Variants in MTHFD2L observed in about 807,000 individuals in gnomAD.
MTHFD2L encodes bifunctional methylenetetrahydrofolate dehydrogenase/cyclohydrolase 2, mitochondrial.
Under a neutral mutation model 34.9 loss-of-function variants are expected in MTHFD2L, and 29 were observed. That is an observed-to-expected ratio of 0.83 (90% CI 0.62 to 1.13). The LOEUF (loss-of-function observed/expected upper bound fraction) is 1.13. MTHFD2L is among the 50% of genes most tolerant of loss of function. The pLI is 0.00. For synonymous variants in MTHFD2L, 167 were observed against 155.7 expected (o/e 1.07, Z -0.54); for missense variants, 481 against 446.5 (o/e 1.08, Z -0.70).
intron 3 of MTHFD2L, among the ~76,000 whole-genome samples, chr4:74,191,179 C>A (rs1732410700): frequency 6.6e-6 from 1 of 152,126 alleles, no homozygotes; most frequent in Admixed American, 6.5e-5. Flanking sequence ...GGGATTACAG[C>A]TTCCTGAAGT....
upstream of MTHFD2L, among the ~76,000 whole-genome samples, chr4:74,123,003 G>A (rs1254229418): frequency 6.6e-6 from 1 of 152,118 alleles, no homozygotes; most frequent in Non-Finnish European, 1.5e-5. Context: ...TTCAAAGTAT[G>A]AATGCTATAA....
At chr4:74,156,185 A>G (rs988537190), upstream of MTHFD2L, among the ~76,000 whole-genome samples, 4 of 152,152 alleles carry the variant, frequency 2.6e-5, no homozygotes, top group African/African-American at 9.7e-5. Flanking sequence ...ACAGTATCAT[A>G]CAAAATAGTT....
At chr4:74,179,427 A>G (rs1291140692) in intron 3 of MTHFD2L, among the ~76,000 whole-genome samples, 2 of 152,220 alleles carry the variant, frequency 1.3e-5, no homozygotes, top group Non-Finnish European at 2.9e-5. Context: ...AGGTTTAAAA[A>G]TGATAGCAAT....
intron 3 of MTHFD2L, chr4:74,190,354 A>G: frequency 1.3e-5 from 5 of 384,738 alleles, no homozygotes; most frequent in Non-Finnish European, 1.8e-5. Flanking sequence ...AAGGTTAGCA[A>G]CCTTTGCGTG....
chr4:74,267,899 G>C, intron 6 of MTHFD2L: 1 of 985,294 alleles, frequency 1.0e-6, no homozygotes. Context: ...ATATGGCACA[G>C]AGCAGAGCCC....
upstream of MTHFD2L, among the ~76,000 whole-genome samples, chr4:74,122,671 A>G (rs141004936): frequency 1.6e-4 from 24 of 152,364 alleles, no homozygotes; most frequent in East Asian, 4.0e-3. Context: ...TTGTTCCAGA[A>G]TAAACAAGAC....
intron 3 of MTHFD2L, among the ~76,000 whole-genome samples, chr4:74,186,514 A>G (rs1446965890): frequency 6.6e-6 from 1 of 151,578 alleles, no homozygotes; most frequent in Non-Finnish European, 1.5e-5. Context: ...CAAGCTTAAT[A>G]TAGAGGAATC....
intron 1 of MTHFD2L, chr4:74,161,382 ATCT>A (rs1725427162): frequency 6.6e-6 from 1 of 152,180 alleles, no homozygotes; most frequent in Admixed American, 6.5e-5. Flanking sequence ...TCTCAAAATC[ATCT>A]TCTATTTAGT....
At chr4:74,266,058 A>G (rs1013606179) in intron 6 of MTHFD2L, among the ~76,000 whole-genome samples, 13 of 152,218 alleles carry the variant, frequency 8.5e-5, no homozygotes, top group Admixed American at 2.0e-4. Context: ...TTGATAACCA[A>G]TGATTCAGAC....
At chr4:74,140,815 T>G (rs1175556408) in intron 1 of MTHFD2L, among the ~76,000 whole-genome samples, 1 of 152,170 alleles carries the variant, frequency 6.6e-6, no homozygotes, top group African/African-American at 2.4e-5. Context: ...CCATTAGCTC[T>G]CATGAAGCTA....
intron 1 of MTHFD2L, among the ~76,000 whole-genome samples, chr4:74,151,520 A>G (rs1723941065): frequency 6.6e-6 from 1 of 152,142 alleles, no homozygotes; most frequent in South Asian, 2.1e-4. Context: ...CACTTTCATC[A>G]CTTGATAGCT....
At chr4:74,235,356 A>T (rs2110152171) in intron 6 of MTHFD2L, among the ~76,000 whole-genome samples, 1 of 152,318 alleles carries the variant, frequency 6.6e-6, no homozygotes, top group Non-Finnish European at 1.5e-5. Flanking sequence ...GAGACTAAGT[A>T]TATGGTGTTG....
At chr4:74,218,992 TA>T (rs1737687481) in intron 5 of MTHFD2L, among the ~76,000 whole-genome samples, 1 of 152,126 alleles carries the variant, frequency 6.6e-6, no homozygotes, top group South Asian at 2.1e-4. Context: ...AAAAATAATA[TA>T]AAAATAGTAT....
At chr4:74,135,797 A>G (rs949501610) in intron 1 of MTHFD2L, among the ~76,000 whole-genome samples, 3 of 152,076 alleles carry the variant, frequency 2.0e-5, no homozygotes, top group Non-Finnish European at 2.9e-5. Context: ...AATTCATTCC[A>G]GAGATACAGG....
At chr4:74,245,056 G>T (rs956355973) in intron 6 of MTHFD2L, among the ~76,000 whole-genome samples, 1 of 151,776 alleles carries the variant, frequency 6.6e-6, no homozygotes, top group African/African-American at 2.4e-5. Context: ...TTAGCGAGGC[G>T]TCGTGGCAGG....
At chr4:74,155,942 A>AT (rs1724218122), upstream of MTHFD2L, among the ~76,000 whole-genome samples, 1 of 151,710 alleles carries the variant, frequency 6.6e-6, no homozygotes, top group Non-Finnish European at 1.5e-5. Flanking sequence ...ACACATCTAG[A>AT]TAAAATGTGT....
upstream of MTHFD2L, chr4:74,157,962 T>C (rs1008188244): frequency 2.0e-6 from 2 of 1,002,978 alleles, no homozygotes; most frequent in Non-Finnish European, 3.0e-6. Flanking sequence ...CTCTGTCAGT[T>C]CCGTCCCCGG....
At chr4:74,272,785 G>A (rs1381722942) in intron 6 of MTHFD2L, among the ~76,000 whole-genome samples, 2 of 152,082 alleles carry the variant, frequency 1.3e-5, no homozygotes, top group African/African-American at 4.8e-5. Context: ...CTGGCTTAAG[G>A]TCATTCACAA....
At chr4:74,192,498 T>G (rs530429826) in intron 3 of MTHFD2L, among the ~76,000 whole-genome samples, 1 of 152,352 alleles carries the variant, frequency 6.6e-6, no homozygotes, top group African/African-American at 2.4e-5. Context: ...ATTTATGTTA[T>G]GTGAAATTTA....
Sources: gnomAD v4.1 joint callset for allele counts (sites outside exome capture counted in the v4.1 genomes callset) on GRCh38, gnomAD v4.1.1 for gene constraint, MANE v1.5 for transcripts, NCBI Gene and HGNC (gene_info 2026-07-23, HGNC 2026-07-21) for gene names.